Variants in CARS1 observed in about 807,000 individuals in gnomAD.
The protein encoded by CARS1 is cysteine--tRNA ligase, cytoplasmic.
A neutral mutation model predicts 106.2 loss-of-function variants in CARS1; 48 were observed. The ratio of observed to expected loss-of-function variants is 0.45; its 90% CI spans 0.36 to 0.57. The LOEUF is 0.57. CARS1 is among the 20% of genes least tolerant of loss of function. The pLI is 0.00. For synonymous variants in CARS1, 409 were observed against 403.4 expected (o/e 1.01, Z -0.17); for missense variants, 968 against 1,057.2 (o/e 0.92, Z 1.17).
rs1304219750 is a variant in CARS1, at chr11:3,045,034, C to T, written c.274+2719G>A. On this transcript the variant is annotated intron_variant, in intron 2 of 22. Transcript: ENST00000380525. This position sits in a 1 kb window ranked among gnomAD's most constrained non-coding sequence, Gnocchi z 5.6. ...GGCCTCGGCGTCTGACAGACCCACA[C>T]CCTCCTCAGTGAAGGGTATAGCTGA... Among the ~76,000 whole-genome samples, 1 of 152,144 alleles carries T rather than the reference C, an allele frequency of 6.6e-6. No homozygotes were observed. The highest frequency in any genetic ancestry group is 1.5e-5 in the Non-Finnish European group (1 of 68,034).
rs541161309 is a variant in CARS1, at chr11:3,052,189, C to T, written c.26-4188G>A. Among the ~76,000 whole-genome samples the T allele has an allele frequency of 1.8e-4, 27 of 152,342 alleles. No individual in the cohort carries two copies. Among genetic ancestry groups the T allele is most frequent in the Non-Finnish European group, 2.6e-4 (18 of 68,032 alleles). ...CTGGGAACTGAAGCCGCTGTGTATCCGCTCTCTGGAGACCTGAGGGGCGGC... is the reference window on the plus strand; with the variant it reads ...CTGGGAACTGAAGCCGCTGTGTATCTGCTCTCTGGAGACCTGAGGGGCGGC... On this transcript the variant is annotated intron_variant, in intron 1 of 22. Transcript: ENST00000380525. The surrounding 1 kb of genome is among the most constrained non-coding windows in gnomAD (Gnocchi z 4.6).
chr11:3,045,609 A>C lies in CARS1; in HGVS notation c.274+2144T>G, dbSNP rs1180813742. Among the ~76,000 whole-genome samples the C allele has an allele frequency of 6.6e-6, 1 of 152,190 alleles. No individual in the cohort carries two copies. Among genetic ancestry groups the C allele is most frequent in the African/African-American group, 2.4e-5 (1 of 41,454 alleles). ...TGAGAGGATCTTGGAGACAGGACACAGAAGGCACATGGGAGGAGCTGGTAA... is the reference window on the plus strand; with the variant it reads ...TGAGAGGATCTTGGAGACAGGACACCGAAGGCACATGGGAGGAGCTGGTAA... On this transcript the variant is annotated intron_variant, in intron 2 of 22. Coordinates refer to ENST00000380525, the MANE Select transcript of CARS1 (RefSeq NM_001014437.3). The surrounding 1 kb of genome is among the most constrained non-coding windows in gnomAD (Gnocchi z 5.6).
At chr11:3,051,752 A>G (rs2134313571) in intron 1 of CARS1, among the ~76,000 whole-genome samples, 1 of 152,226 alleles carries the variant, frequency 6.6e-6, no homozygotes, top group Admixed American at 6.5e-5. Flanking sequence ...CACAGTTCGA[A>G]AGCTGTTCCC....
chr11:3,001,892 G>A (rs571579101), intron 22 of CARS1, 78 bp downstream of exon 22: 3 of 1,147,882 alleles, frequency 2.6e-6, no homozygotes, highest in East Asian at 2.3e-5. Context: ...CTTGTCCAAG[G>A]TTGAAAATTC....
At position 3,004,180 on chromosome 11, in the gene CARS1, C is replaced by A. The variant is rs553668714; in HGVS notation, c.2217+1186G>T. On this transcript the variant is annotated intron_variant, in intron 20 of 22. Coordinates refer to ENST00000380525, the MANE Select transcript of CARS1 (RefSeq NM_001014437.3). The surrounding 1 kb of genome is among the most constrained non-coding windows in gnomAD (Gnocchi z 5.2). ...GAGGCAGTCACACCAGCCAACCTCA[C>A]AGGGCAAGCCCAGCTCTTCCCAACC... is the stretch of plus-strand genomic sequence containing the variant. 2.0e-5 allele frequency among the ~76,000 whole-genome samples: 3 copies of A among 152,206 alleles called. No individual in the cohort carries two copies. Among genetic ancestry groups the A allele is most frequent in the Non-Finnish European group, 4.4e-5 (3 of 68,016 alleles).
chr11:3,027,362 G>A (rs1364090986), intron 9 of CARS1: 1 of 155,170 alleles, frequency 6.4e-6, no homozygotes, highest in Admixed American at 6.4e-5. Flanking sequence ...TCCAGCCTGT[G>A]TGGTTCCTGT....
In CARS1 at chr11:3,020,162, G is replaced by T. The variant is rs1200056737; in HGVS notation, c.1266+58C>A. The T allele has an allele frequency of 2.0e-6, 2 of 1,010,442 alleles. No individual in the cohort carries two copies. The highest frequency in any genetic ancestry group is 3.2e-6 in the Non-Finnish European group (2 of 630,716). The allele number at this position is 1,010,442 out of a possible 1,614,324, so 62.6% of individuals were successfully genotyped here. A position where few individuals can be genotyped will look rare whatever the true frequency, so the allele number is the denominator to read the frequency against. On this transcript the variant is annotated intron_variant, in intron 11 of 22. Transcript: ENST00000380525. This position sits in a 1 kb window ranked among gnomAD's most constrained non-coding sequence, Gnocchi z 4.6. ...GCGGCCCTCTGCTGGGGGCCTGAGA[G>T]TGTGGCTGGCGCCAGTGCCCCTGTC...
chr11:3,041,362 A>G lies in CARS1; in HGVS notation c.367-378T>C. On this transcript the variant is annotated intron_variant, in intron 3 of 22. Coordinates refer to ENST00000380525, the MANE Select transcript of CARS1 (RefSeq NM_001014437.3). The surrounding 1 kb of genome is among the most constrained non-coding windows in gnomAD (Gnocchi z 4.9). ...GAGCTAAATATTCAATATGCAGTAC[A>G]CTCTAGGACGTAGGTTATGTCATTT... 1 of 206,860 alleles carries G rather than the reference A, an allele frequency of 4.8e-6. No homozygotes were observed. The highest frequency in any genetic ancestry group is 1.4e-4 in the East Asian group (1 of 7,114). The allele number at this position is 206,860 out of a possible 1,614,324, so 12.8% of individuals were successfully genotyped here.
chr11:3,056,023 C>G (rs1056409493), intron 1 of CARS1, among the ~76,000 whole-genome samples: 1 of 152,078 alleles, frequency 6.6e-6, no homozygotes, highest in Non-Finnish European at 1.5e-5. Context: ...GGCTCTGGGA[C>G]GGGTGGAGAT....
intron 1 of CARS1, among the ~76,000 whole-genome samples, 180 bp downstream of exon 1, chr11:3,057,163 G>A (rs1856297839): frequency 6.8e-6 from 1 of 146,780 alleles, no homozygotes; most frequent in Non-Finnish European, 1.5e-5. Context: ...CTCAGACCCC[G>A]CGCACTGACA....
In CARS1 at chr11:3,057,394, C is replaced by G. The variant is rs1018643374; in HGVS notation, c.-27G>C. On this transcript the variant is annotated 5_prime_UTR_variant, in exon 1 of 23. Coordinates refer to ENST00000380525, the MANE Select transcript of CARS1 (RefSeq NM_001014437.3). Reference sequence around the variant, plus strand: ...GCTGGGAATCCCGGACCCGCAGCTGCGGCTACAGACACTTCCTAGAATCTG... The same window carrying G: ...GCTGGGAATCCCGGACCCGCAGCTGGGGCTACAGACACTTCCTAGAATCTG... The G allele has an allele frequency of 1.2e-5, 19 of 1,604,844 alleles. No homozygotes were observed. The highest frequency in any genetic ancestry group is 3.4e-5 in the Admixed American group (2 of 59,634).
At chr11:3,018,331 C>T in intron 14 of CARS1, 77 bp downstream of exon 14, 2 of 925,670 alleles carry the variant, frequency 2.2e-6, no homozygotes, top group Non-Finnish European at 3.4e-6. Context: ...GCTGGTGCAC[C>T]TATCACCACT....
intron 7 of CARS1, chr11:3,031,145 C>T (rs1238006403): frequency 6.6e-6 from 1 of 152,172 alleles, no homozygotes; most frequent in Non-Finnish European, 1.5e-5. Context: ...CCGGGAAGCA[C>T]ACAAAATATC....
Position 3,041,120 on chromosome 11 carries a change from T to C in CARS1, c.367-136A>G, listed in dbSNP as rs919816308. ...TTCAACAGAGACCATTTTGTTTTAC[T>C]GTGAAAAGTCACAGTCTCAGTGGGA... On this transcript the variant is annotated intron_variant, in intron 3 of 22. Coordinates refer to ENST00000380525, the MANE Select transcript of CARS1 (RefSeq NM_001014437.3). This position sits in a 1 kb window ranked among gnomAD's most constrained non-coding sequence, Gnocchi z 4.9. 8 of 1,441,036 alleles carry C rather than the reference T, an allele frequency of 5.6e-6. No homozygotes were observed. In the African/African-American group the frequency reaches 5.7e-5, roughly 10 times the overall value. The allele number at this position is 1,441,036 out of a possible 1,614,324, so 89.3% of individuals were successfully genotyped here.
chr11:3,040,116 T>C lies in CARS1; in HGVS notation c.456-185A>G. Reference sequence around the variant, plus strand: ...TGAAGATGGCAAGGATGATGACCTTTATAATGATCCACTTCCACCTAATGA... The same window carrying C: ...TGAAGATGGCAAGGATGATGACCTTCATAATGATCCACTTCCACCTAATGA... On this transcript the variant is annotated intron_variant, in intron 4 of 22. Transcript: ENST00000380525. The surrounding 1 kb of genome is among the most constrained non-coding windows in gnomAD (Gnocchi z 5.8). 1 of 533,574 alleles carries C rather than the reference T, an allele frequency of 1.9e-6. No individual in the cohort carries two copies. The highest frequency in any genetic ancestry group is 3.2e-5 in the East Asian group (1 of 31,386). The allele number at this position is 533,574 out of a possible 1,614,324, so 33.1% of individuals were successfully genotyped here.
At chr11:3,015,266 C>A (rs1191490513) in intron 17 of CARS1, among the ~76,000 whole-genome samples, 1 of 152,254 alleles carries the variant, frequency 6.6e-6, no homozygotes, top group Non-Finnish European at 1.5e-5. Flanking sequence ...GGGGTCCTGG[C>A]TCAGGCCATG....
rs1850129229 is a variant in CARS1, at chr11:3,008,575, C to T, written c.2069-1616G>A. On this transcript the variant is annotated intron_variant, in intron 18 of 22. Coordinates refer to ENST00000380525, the MANE Select transcript of CARS1 (RefSeq NM_001014437.3). This position sits in a 1 kb window ranked among gnomAD's most constrained non-coding sequence, Gnocchi z 5.1. The stretch of plus-strand genomic sequence containing the variant: ...CGGAGGTTGCAGTGGGCCAAGATGA[C>T]ACCACTGCACTCCAGCCTAGCGACA... The T allele has an allele frequency of 6.7e-6, 1 of 149,792 alleles. No individual in the cohort carries two copies. The highest frequency in any genetic ancestry group is 2.1e-4 in the South Asian group (1 of 4,740). The allele number at this position is 149,792 out of a possible 1,614,324, so 9.3% of individuals were successfully genotyped here. A position where few individuals can be genotyped will look rare whatever the true frequency, so the allele number is the denominator to read the frequency against.
rs1385596501 is a variant in CARS1, at chr11:3,004,202, A to C, written c.2217+1164T>G. 1.3e-5 allele frequency among the ~76,000 whole-genome samples: 2 copies of C among 152,162 alleles called. No individual in the cohort carries two copies. The highest frequency in any genetic ancestry group is 2.9e-5 in the Non-Finnish European group (2 of 68,014). On this transcript the variant is annotated intron_variant, in intron 20 of 22. Transcript: ENST00000380525. This position sits in a 1 kb window ranked among gnomAD's most constrained non-coding sequence, Gnocchi z 5.2. ...TCACAGGGCAAGCCCAGCTCTTCCC[A>C]ACCTGCCAACCAGGATGGACCTGCA...
chr11:3,041,805 T>C lies in CARS1; in HGVS notation c.366+360A>G, dbSNP rs1392358321. On this transcript the variant is annotated intron_variant, in intron 3 of 22. Coordinates refer to ENST00000380525, the MANE Select transcript of CARS1 (RefSeq NM_001014437.3). The surrounding 1 kb of genome is among the most constrained non-coding windows in gnomAD (Gnocchi z 4.9). The stretch of plus-strand genomic sequence containing the variant: ...CGTTTTGTCCATCCTGCTTGGCTCA[T>C]ACAGTGCCACCTGCTGCAACCACGC... 3.3e-5 allele frequency among the ~76,000 whole-genome samples: 5 copies of C among 150,562 alleles called. No homozygotes were observed. In the South Asian group the frequency reaches 6.2e-4, roughly 19 times the overall value.
Sources: gnomAD v4.1 joint callset for allele counts (sites outside exome capture counted in the v4.1 genomes callset) on GRCh38, gnomAD v4.1.1 for gene constraint, Gnocchi (gnomAD v3.1) non-coding constraint, MANE v1.5 for transcripts, NCBI Gene and HGNC (gene_info 2026-07-23, HGNC 2026-07-21) for gene names.